Variants in ANKRD44 observed in about 807,000 individuals in gnomAD.
ANKRD44 encodes the protein serine/threonine-protein phosphatase 6 regulatory ankyrin repeat subunit B.
ANKRD44 carries 35 observed loss-of-function variants against 116.0 expected under a neutral mutation model. The observed-to-expected ratio is 0.30, with a 90% CI of 0.23 to 0.40. The LOEUF is 0.40. Ranked by LOEUF, ANKRD44 falls within the 10% of genes least tolerant of loss-of-function variation. The pLI, the probability that ANKRD44 is intolerant of heterozygous loss-of-function variation, is 1.00. For missense variants in ANKRD44, 1,014 were observed against 1,242.6 expected, an observed-to-expected ratio of 0.82 and a Z score of 2.77; for synonymous variants, 435 against 461.8, an observed-to-expected ratio of 0.94 and a Z score of 0.74.
rs534601597 is a variant in ANKRD44, at chr2:197,017,878, G to A, written c.1723-4166C>T. Among the ~76,000 whole-genome samples the A allele has an allele frequency of 4.5e-4, 68 of 152,216 alleles. 1 individual carries two copies. The highest frequency in any genetic ancestry group is 8.1e-4 in the Non-Finnish European group (55 of 68,038). ...CTGGATAATAGAGCCAGTGGGTGTT[G>A]AAAAATAGCCCTTCCCCTCCTTGCT... On this transcript the variant is annotated intron_variant, in intron 17 of 27. Coordinates refer to ENST00000282272, the MANE Select transcript of ANKRD44 (RefSeq NM_001195144.2).
intron 1 of ANKRD44, among the ~76,000 whole-genome samples, chr2:197,261,557 TA>T (rs3057784): frequency 0.015 from 2,194 of 150,238 alleles, 53 homozygotes; most frequent in African/African-American, 0.049. Flanking sequence ...AATCTTTTCT[TA>T]AAAAAAAAAA....
chr2:197,112,102 GAAAAT>G (rs1257143057), intron 8 of ANKRD44, among the ~76,000 whole-genome samples: 1 of 152,032 alleles, frequency 6.6e-6, no homozygotes, highest in African/African-American at 2.4e-5. Flanking sequence ...AGGCCCAAAA[GAAAAT>G]ATTACTGTTA....
intron 16 of ANKRD44, among the ~76,000 whole-genome samples, chr2:197,045,425 A>G (rs992342314): frequency 6.6e-6 from 1 of 152,154 alleles, no homozygotes; most frequent in Admixed American, 6.5e-5. Flanking sequence ...TCCCACCTGT[A>G]GTGTCATTTT....
intron 4 of ANKRD44, 103 bp downstream of exon 4, chr2:197,136,489 G>C: frequency 1.9e-6 from 2 of 1,075,068 alleles, no homozygotes; most frequent in East Asian, 2.4e-5. Context: ...TTACATTAGA[G>C]GTAAAAGCCT....
downstream of ANKRD44, among the ~76,000 whole-genome samples, chr2:196,985,405 A>G (rs2075829857): frequency 6.6e-6 from 1 of 152,242 alleles, no homozygotes; most frequent in South Asian, 2.1e-4. Flanking sequence ...TCTAAACAAC[A>G]GGAAGCACTC....
chr2:197,060,725 C>A (rs112348010), intron 16 of ANKRD44, among the ~76,000 whole-genome samples: 384 of 152,304 alleles, frequency 2.5e-3, no homozygotes, highest in African/African-American at 8.7e-3. Context: ...CCATTCTACT[C>A]TCTGTTTTTA....
Position 197,310,617 on chromosome 2 carries a change from T to TCG in ANKRD44, c.-15_-14dup. ...TGAGCACTGCCATTCTTCCGCTCCT[T>TCG]CGCGCGCACACACATGCAGGTCCCC... On this transcript the variant is annotated 5_prime_UTR_variant, in exon 1 of 28. Coordinates refer to ENST00000282272, the MANE Select transcript of ANKRD44 (RefSeq NM_001195144.2). 7.5e-7 allele frequency: 1 copy of TCG among 1,327,610 alleles called. No individual in the cohort carries two copies. Among genetic ancestry groups the TCG allele is most frequent in the South Asian group, 1.5e-5 (1 of 68,720 alleles). The allele number at this position is 1,327,610 out of a possible 1,614,324, so 82.2% of individuals were successfully genotyped here.
In ANKRD44 at chr2:197,189,817, G is replaced by A. The variant is rs1252252507; in HGVS notation, c.28-2711C>T. On this transcript the variant is annotated intron_variant, in intron 1 of 27. Transcript: ENST00000282272. Reference sequence around the variant, plus strand: ...GAACAAACCCAACACAGTAGTTAATGCACCACTACTTAGTCACTTTAAGGG... The same window carrying A: ...GAACAAACCCAACACAGTAGTTAATACACCACTACTTAGTCACTTTAAGGG... 1.3e-5 allele frequency among the ~76,000 whole-genome samples: 2 copies of A among 152,198 alleles called. 1 individual carries two copies. The highest frequency in any genetic ancestry group is 4.1e-4 in the South Asian group (2 of 4,828).
chr2:197,195,263 G>A (rs2080920503), intron 1 of ANKRD44, among the ~76,000 whole-genome samples: 1 of 152,134 alleles, frequency 6.6e-6, no homozygotes, highest in Non-Finnish European at 1.5e-5. Flanking sequence ...TTACAGTCAT[G>A]AGCACTGTAC....
intron 16 of ANKRD44, among the ~76,000 whole-genome samples, chr2:197,040,215 G>A (rs62279181): frequency 0.11 from 17,000 of 150,472 alleles, 1,116 homozygotes; most frequent in East Asian, 0.16. Context: ...TCCAGCCTGG[G>A]CAACAGAGCG....
chr2:197,182,052 C>T (rs143268801), intron 2 of ANKRD44, among the ~76,000 whole-genome samples: 46 of 152,310 alleles, frequency 3.0e-4, no homozygotes, highest in Non-Finnish European at 1.2e-4. Flanking sequence ...CTCTTGACAT[C>T]ACATTGTCAT....
chr2:197,259,836 C>T (rs1040704699), intron 1 of ANKRD44, among the ~76,000 whole-genome samples: 3 of 152,056 alleles, frequency 2.0e-5, no homozygotes, highest in Non-Finnish European at 2.9e-5. Context: ...TCTATAGAGT[C>T]ACTTGCTATA....
intron 2 of ANKRD44, among the ~76,000 whole-genome samples, chr2:197,172,538 T>C (rs2080265157): frequency 6.6e-6 from 1 of 152,188 alleles, no homozygotes. Flanking sequence ...TCTGTCTCAC[T>C]CACCTGATTG....
intron 16 of ANKRD44, among the ~76,000 whole-genome samples, chr2:197,050,688 G>A (rs1036949173): frequency 2.0e-5 from 3 of 152,040 alleles, no homozygotes; most frequent in South Asian, 2.1e-4. Flanking sequence ...CTCCCAAAGC[G>A]CTGGCATTAC....
At chr2:197,045,460 T>C (rs539377015) in intron 16 of ANKRD44, among the ~76,000 whole-genome samples, 1 of 149,256 alleles carries the variant, frequency 6.7e-6, no homozygotes, top group Non-Finnish European at 1.5e-5. Flanking sequence ...TATTCATTCA[T>C]AGCCTAAAAG....
chr2:196,993,618 G>T lies in ANKRD44; in HGVS notation c.2888C>A (p.Ala963Asp). 6.4e-7 allele frequency: 1 copy of T among 1,551,036 alleles called. No homozygotes were observed. The highest frequency in any genetic ancestry group is 8.7e-7 in the Non-Finnish European group (1 of 1,147,062). ...TACAGCAAGTACACAGGCCCCTTTG[G>T]CCAGCAACTCCTCAACTACCACCTT... is the stretch of plus-strand genomic sequence containing the variant. ...GLKVVVEELL[A>D]KGACVLAVDE... Residue 963 changes from alanine to aspartate, a missense_variant, in exon 27 of 28, where the codon GCC becomes GAC. By Grantham distance (126) the Ala-to-Asp change is moderately radical (BLOSUM62 -2). Coordinates refer to ENST00000282272, the MANE Select transcript of ANKRD44 (RefSeq NM_001195144.2).
intron 9 of ANKRD44, among the ~76,000 whole-genome samples, chr2:197,109,539 C>T (rs1489492349): frequency 6.6e-6 from 1 of 152,134 alleles, no homozygotes; most frequent in East Asian, 1.9e-4. Flanking sequence ...GTCTTCCATC[C>T]AAATGTCAAA....
intron 21 of ANKRD44, chr2:196,967,558 G>A: frequency 2.5e-6 from 1 of 399,060 alleles, no homozygotes. Flanking sequence ...TCAAAATGGG[G>A]GATGGGGAAT....
At chr2:197,238,186 G>T (rs2082015387) in intron 1 of ANKRD44, among the ~76,000 whole-genome samples, 1 of 152,156 alleles carries the variant, frequency 6.6e-6, no homozygotes, top group South Asian at 2.1e-4. Context: ...ACACCAAACT[G>T]TAAGCTGTGT....
Sources: allele counts gnomAD v4.1 joint callset (sites outside exome capture counted in the v4.1 genomes callset), GRCh38; gene constraint gnomAD v4.1.1; transcripts MANE v1.5; gene names NCBI Gene and HGNC (gene_info 2026-07-23, HGNC 2026-07-21).